Variants in GPC6 observed in about 807,000 individuals in gnomAD.
GPC6 encodes the protein glypican-6.
A neutral mutation model predicts 55.2 loss-of-function variants in GPC6; 14 were observed. The observed-to-expected ratio is 0.25, with a 90% CI of 0.17 to 0.40. GPC6 has a LOEUF of 0.40. GPC6 is among the 10% of genes least tolerant of loss of function. GPC6 has a pLI of 1.00. For synonymous variants in GPC6, 278 were observed against 259.6 expected (o/e 1.07, Z -0.68); for missense variants, 641 against 708.5 (o/e 0.90, Z 1.08).
At chr13:93,713,418 A>T (rs890527223) in intron 2 of GPC6, among the ~76,000 whole-genome samples, 5 of 151,756 alleles carry the variant, frequency 3.3e-5, no homozygotes, top group African/African-American at 1.2e-4. Flanking sequence ...CTAATTAAGA[A>T]TAAAGATGAG....
intron 2 of GPC6, among the ~76,000 whole-genome samples, chr13:93,757,245 G>T (rs1289923508): frequency 6.6e-6 from 1 of 152,164 alleles, no homozygotes; most frequent in Non-Finnish European, 1.5e-5. Flanking sequence ...GGTTCATGGA[G>T]ACGTCAGAGT....
chr13:93,407,928 GGATTGTTGTGTTGAGGAGCTCA>G (rs1876353703), intron 1 of GPC6, among the ~76,000 whole-genome samples: 1 of 152,140 alleles, frequency 6.6e-6, no homozygotes, highest in Admixed American at 6.5e-5. Context: ...AACACATGGA[GGATTGTTGTGTTGAGGAGCTCA>G]GATAATGCTC....
At chr13:94,313,742 AC>A (rs1353831822) in intron 6 of GPC6, among the ~76,000 whole-genome samples, 1 of 152,230 alleles carries the variant, frequency 6.6e-6, no homozygotes, top group South Asian at 2.1e-4. Flanking sequence ...CGATTTGTTA[AC>A]AAAACTCTTT....
At chr13:94,389,584 T>C (rs12866362) in intron 7 of GPC6, among the ~76,000 whole-genome samples, 8,061 of 152,238 alleles carry the variant, frequency 0.053, 337 homozygotes, top group South Asian at 0.19. Flanking sequence ...ACCTCTAACT[T>C]CTTGTAGCAT....
chr13:94,385,888 G>T (rs892026870), intron 7 of GPC6, among the ~76,000 whole-genome samples: 27 of 152,026 alleles, frequency 1.8e-4, no homozygotes, highest in Admixed American at 3.3e-4. Flanking sequence ...AAGATGACAG[G>T]TCTTTTTAAT....
intron 1 of GPC6, among the ~76,000 whole-genome samples, chr13:93,483,188 G>T (rs1879580717): frequency 6.6e-6 from 1 of 152,102 alleles, no homozygotes; most frequent in Admixed American, 6.6e-5. Context: ...TACGTAGTTT[G>T]ATTTCTCATA....
chr13:93,907,331 A>T (rs553072223), intron 3 of GPC6, among the ~76,000 whole-genome samples: 32 of 152,124 alleles, frequency 2.1e-4, no homozygotes, highest in Middle Eastern at 3.4e-3. Context: ...CAAAAATAAA[A>T]TTTTCTCTTC....
At chr13:93,370,767 C>A (rs1881419803) in intron 1 of GPC6, among the ~76,000 whole-genome samples, 1 of 152,056 alleles carries the variant, frequency 6.6e-6, no homozygotes, top group Non-Finnish European at 1.5e-5. Context: ...GTGGGAAAAC[C>A]TTTTCTGTAA....
At position 94,005,049 on chromosome 13, in the gene GPC6, G is replaced by A. The variant is rs1373781838; in HGVS notation, c.712-22680G>A. On this transcript the variant is annotated intron_variant, in intron 3 of 8. Transcript: ENST00000377047. ...CCACTGCACTCCAGCCTGGGCAACA[G>A]AGGCTGACTCCATCCCCCAGCCCCC... Among the ~76,000 whole-genome samples, 3 of 152,144 alleles carry A rather than the reference G, an allele frequency of 2.0e-5. No homozygotes were observed. In the East Asian group the frequency reaches 5.8e-4, roughly 29 times the overall value.
intron 4 of GPC6, among the ~76,000 whole-genome samples, chr13:94,147,124 A>G (rs370413791): frequency 1.1e-4 from 16 of 152,190 alleles, no homozygotes; most frequent in African/African-American, 3.9e-4. Context: ...GACCCTGACT[A>G]AAATAAACTA....
At chr13:93,574,390 G>A (rs1876559166) in intron 2 of GPC6, among the ~76,000 whole-genome samples, 1 of 152,118 alleles carries the variant, frequency 6.6e-6, no homozygotes, top group Non-Finnish European at 1.5e-5. Context: ...GATTGAGAAG[G>A]ATTGCTGGCA....
At chr13:93,707,152 G>C (rs1219174731) in intron 2 of GPC6, among the ~76,000 whole-genome samples, 2 of 151,606 alleles carry the variant, frequency 1.3e-5, no homozygotes, top group Non-Finnish European at 2.9e-5. Flanking sequence ...TCCATAGTTA[G>C]AGTTAGCTAA....
intron 4 of GPC6, among the ~76,000 whole-genome samples, chr13:94,102,376 T>C (rs1039174797): frequency 6.6e-6 from 1 of 152,140 alleles, no homozygotes; most frequent in Non-Finnish European, 1.5e-5. Context: ...TGCCTAGCCC[T>C]GTAACCTTAT....
At chr13:93,488,646 T>G (rs2139352023) in intron 1 of GPC6, among the ~76,000 whole-genome samples, 1 of 152,320 alleles carries the variant, frequency 6.6e-6, no homozygotes, top group Non-Finnish European at 1.5e-5. Context: ...TTCCTGACTT[T>G]TTAATGATCG....
chr13:94,118,419 TC>T (rs1886510279), intron 4 of GPC6, among the ~76,000 whole-genome samples: 1 of 152,106 alleles, frequency 6.6e-6, no homozygotes, highest in African/African-American at 2.4e-5. Context: ...TAAACCTCAT[TC>T]CTTTATAAAT....
intron 4 of GPC6, among the ~76,000 whole-genome samples, chr13:94,234,154 G>A (rs149608957): frequency 0.011 from 1,680 of 152,166 alleles, 19 homozygotes; most frequent in Non-Finnish European, 0.018. Flanking sequence ...GACATCTGGG[G>A]AAACCGAGGC....
Position 93,624,912 on chromosome 13 carries a change from A to G in GPC6, c.319+79491A>G, listed in dbSNP as rs11840255. Among the ~76,000 whole-genome samples, 874 of 152,362 alleles carry G rather than the reference A, an allele frequency of 5.7e-3. 5 individuals are homozygous for G. Among genetic ancestry groups the G allele is most frequent in the African/African-American group, 0.02 (849 of 41,594 alleles). ...AGTCCTGGGATTGATATTAAGTGAT[A>G]GAATTTAAATAGCTAGGAAATATGT... On this transcript the variant is annotated intron_variant, in intron 2 of 8. Transcript: ENST00000377047.
intron 2 of GPC6, among the ~76,000 whole-genome samples, chr13:93,651,486 A>G (rs1446629307): frequency 4.6e-5 from 7 of 152,152 alleles, no homozygotes; most frequent in Non-Finnish European, 7.3e-5. Flanking sequence ...CTTTGCTACA[A>G]ACTAGTTTTC....
At chr13:93,591,814 A>T (rs1243553665) in intron 2 of GPC6, among the ~76,000 whole-genome samples, 2 of 152,210 alleles carry the variant, frequency 1.3e-5, no homozygotes, top group Admixed American at 6.5e-5. Context: ...GTTAGTTATC[A>T]GTTAATAAAG....
Sources: gnomAD v4.1 joint callset for allele counts (sites outside exome capture counted in the v4.1 genomes callset) on GRCh38, gnomAD v4.1.1 for gene constraint, MANE v1.5 for transcripts, NCBI Gene and HGNC (gene_info 2026-07-23, HGNC 2026-07-21) for gene names.